ZNF804B: variants seen among roughly 807,000 people sequenced by gnomAD.
ZNF804B encodes zinc finger protein 804B, also known as zinc finger 804B.
A neutral mutation model predicts 101.4 loss-of-function variants in ZNF804B; 80 were observed. The ratio of observed to expected loss-of-function variants is 0.79; its 90% CI spans 0.66 to 0.95. The LOEUF is 0.95. ZNF804B is among the 40% of genes least tolerant of loss of function. ZNF804B has a pLI of 0.00. For missense variants in ZNF804B, 1,673 were observed against 1,561.9 expected (o/e 1.07, Z -1.20); for synonymous variants, 622 against 558.8 (o/e 1.11, Z -1.59).
chr7:88,779,851 C>T (rs1219284199), intron 1 of ZNF804B, among the ~76,000 whole-genome samples: 2 of 151,970 alleles, frequency 1.3e-5, no homozygotes, highest in African/African-American at 2.4e-5. Context: ...CTTCGATTCC[C>T]CCAGCAATAG....
intron 1 of ZNF804B, among the ~76,000 whole-genome samples, chr7:88,785,371 T>C (rs1790285735): frequency 6.6e-6 from 1 of 152,156 alleles, no homozygotes; most frequent in Non-Finnish European, 1.5e-5. Context: ...AAGGACACTA[T>C]AGGAGTCTGT....
intron 1 of ZNF804B, among the ~76,000 whole-genome samples, chr7:88,816,317 C>T (rs1229013454): frequency 1.3e-5 from 2 of 152,274 alleles, no homozygotes; most frequent in East Asian, 3.9e-4. Flanking sequence ...AGGATATAGG[C>T]ATGGGCAGGG....
chr7:89,289,428 T>A (rs1267940934), intron 2 of ZNF804B, among the ~76,000 whole-genome samples: 1 of 152,088 alleles, frequency 6.6e-6, no homozygotes, highest in Non-Finnish European at 1.5e-5. Flanking sequence ...TGGTTTTAAA[T>A]TAATATCCCT....
chr7:89,247,545 G>A (rs1414505798), intron 2 of ZNF804B, among the ~76,000 whole-genome samples: 2 of 151,860 alleles, frequency 1.3e-5, no homozygotes, highest in Non-Finnish European at 2.9e-5. Flanking sequence ...CCAGGGATGG[G>A]TAAAGGGAAA....
At chr7:88,791,089 A>T (rs1790376576) in intron 1 of ZNF804B, among the ~76,000 whole-genome samples, 1 of 152,126 alleles carries the variant, frequency 6.6e-6, no homozygotes, top group Non-Finnish European at 1.5e-5. Context: ...AATTAAAAAA[A>T]TTCTATCAAT....
At chr7:89,002,413 G>A (rs1197700474) in intron 1 of ZNF804B, among the ~76,000 whole-genome samples, 1 of 151,590 alleles carries the variant, frequency 6.6e-6, no homozygotes, top group African/African-American at 2.4e-5. Context: ...CATTTTTCTT[G>A]CTTTTCTTAT....
intron 1 of ZNF804B, chr7:88,794,347 T>G: frequency 6.2e-7 from 1 of 1,613,916 alleles, no homozygotes; most frequent in Non-Finnish European, 8.5e-7. Context: ...TTGGTGTAAG[T>G]TATCGCCTGG....
chr7:89,130,119 G>T (rs1790526487), intron 1 of ZNF804B, among the ~76,000 whole-genome samples: 1 of 151,906 alleles, frequency 6.6e-6, no homozygotes, highest in Admixed American at 6.6e-5. Context: ...AAGAGAAAAT[G>T]AAACAGAAAA....
chr7:89,075,663 G>A (rs573978443), intron 1 of ZNF804B, among the ~76,000 whole-genome samples: 18 of 152,236 alleles, frequency 1.2e-4, no homozygotes, highest in East Asian at 9.7e-4. Context: ...CCCTACTGGC[G>A]CACCGCCTAG....
intron 1 of ZNF804B, among the ~76,000 whole-genome samples, chr7:89,027,667 A>G (rs1365755530): frequency 1.3e-5 from 2 of 152,124 alleles, no homozygotes; most frequent in East Asian, 1.9e-4. Flanking sequence ...GTGGGTCTGC[A>G]CTGTTATATG....
intron 1 of ZNF804B, among the ~76,000 whole-genome samples, chr7:88,842,598 G>T (rs1321692919): frequency 6.6e-6 from 1 of 152,160 alleles, no homozygotes; most frequent in Non-Finnish European, 1.5e-5. Flanking sequence ...CACCTGATCT[G>T]CCTGCACATA....
At chr7:88,795,368 G>A (rs1305599717) in intron 1 of ZNF804B, among the ~76,000 whole-genome samples, 1 of 151,684 alleles carries the variant, frequency 6.6e-6, no homozygotes, top group African/African-American at 2.4e-5. Context: ...AAAAATCCAA[G>A]GCTTTTTAAG....
intron 2 of ZNF804B, among the ~76,000 whole-genome samples, chr7:89,229,806 A>G (rs984772012): frequency 9.2e-5 from 14 of 152,322 alleles, no homozygotes; most frequent in East Asian, 3.9e-4. Context: ...GAAAGACTAA[A>G]TTATGATTAA....
Position 89,189,192 on chromosome 7 carries a change from T to G in ZNF804B, c.109-28963T>G, listed in dbSNP as rs117793054. On this transcript the variant is annotated intron_variant, in intron 1 of 3. Transcript: ENST00000333190. ...GCTCTATAAATGCAACAACAAAGCA[T>G]GGAAGACAACACAACATTTTACATC... Among the ~76,000 whole-genome samples the G allele has an allele frequency of 4.3e-4, 65 of 152,260 alleles. 2 individuals carry two copies. In the East Asian group the frequency reaches 0.012, roughly 29 times the overall value.
At chr7:88,975,598 A>T (rs1793605749) in intron 1 of ZNF804B, among the ~76,000 whole-genome samples, 1 of 151,416 alleles carries the variant, frequency 6.6e-6, no homozygotes, top group African/African-American at 2.4e-5. Context: ...TATTCAGATC[A>T]TTGCCCATTC....
At chr7:89,271,592 T>C (rs1584095509) in intron 2 of ZNF804B, among the ~76,000 whole-genome samples, 1 of 152,218 alleles carries the variant, frequency 6.6e-6, no homozygotes, top group East Asian at 1.9e-4. Flanking sequence ...ATAAAATGAG[T>C]TAGGGAGGAT....
At chr7:88,920,933 T>C (rs1336098920) in intron 1 of ZNF804B, among the ~76,000 whole-genome samples, 1 of 152,018 alleles carries the variant, frequency 6.6e-6, no homozygotes, top group Non-Finnish European at 1.5e-5. Flanking sequence ...GAGAATAAAT[T>C]ATCAATGTAT....
intron 1 of ZNF804B, among the ~76,000 whole-genome samples, chr7:88,816,446 A>G (rs984830082): frequency 1.3e-5 from 2 of 152,200 alleles, no homozygotes; most frequent in African/African-American, 4.8e-5. Flanking sequence ...TGAACAGGCA[A>G]CCTACAGAAT....
chr7:89,088,757 T>C (rs947128144), intron 1 of ZNF804B, among the ~76,000 whole-genome samples: 2 of 151,540 alleles, frequency 1.3e-5, no homozygotes, highest in African/African-American at 4.9e-5. Flanking sequence ...CTGCACAGTA[T>C]GGACATGCTG....
Sources: allele counts gnomAD v4.1 joint callset (sites outside exome capture counted in the v4.1 genomes callset), GRCh38; gene constraint gnomAD v4.1.1; transcripts MANE v1.5; gene names NCBI Gene and HGNC (gene_info 2026-07-23, HGNC 2026-07-21).